HECW1: variants seen among roughly 807,000 people sequenced by gnomAD.
HECW1 encodes HECT, C2 and WW domain containing E3 ubiquitin protein ligase 1, also known as E3 ubiquitin-protein ligase HECW1.
HECW1 carries 61 observed loss-of-function variants against 182.3 expected under a neutral mutation model. That is an observed-to-expected ratio of 0.33 (90% CI 0.27 to 0.41). HECW1 has a LOEUF of 0.41. Among genes scored for constraint, HECW1 ranks in the 10% least tolerant of loss-of-function variants. The probability of loss-of-function intolerance (pLI) is 1.00; values close to 1 mark genes in which losing one functional copy is unlikely to be tolerated. For synonymous variants in HECW1, 859 were observed against 832.6 expected (o/e 1.03, Z -0.55); for missense variants, 1,739 against 2,108.9 (o/e 0.82, Z 3.44).
intron 12 of HECW1, 112 bp downstream of exon 12, chr7:43,451,041 G>C: frequency 1.4e-6 from 1 of 739,976 alleles, no homozygotes; most frequent in South Asian, 1.6e-5. Flanking sequence ...GTGCCTTACA[G>C]TGTTAACAAA....
At chr7:43,472,571 A>G (rs2078064969) in intron 16 of HECW1, among the ~76,000 whole-genome samples, 2 of 151,894 alleles carry the variant, frequency 1.3e-5, no homozygotes, top group South Asian at 4.1e-4. Flanking sequence ...AGCAGGAATA[A>G]TTAAGTATTA....
chr7:43,179,278 T>C (rs1562637742), intron 2 of HECW1, among the ~76,000 whole-genome samples: 1 of 152,164 alleles, frequency 6.6e-6, no homozygotes, highest in East Asian at 1.9e-4. Flanking sequence ...GGCATCAAGG[T>C]GAAGCTGAAG....
intron 12 of HECW1, among the ~76,000 whole-genome samples, chr7:43,453,321 G>T (rs73098717): frequency 6.6e-6 from 1 of 152,046 alleles, no homozygotes; most frequent in African/African-American, 2.4e-5. Flanking sequence ...ATATTTTAAA[G>T]GTAGATTTGA....
intron 24 of HECW1, chr7:43,523,069 T>A: frequency 2.3e-6 from 1 of 438,894 alleles, no homozygotes; most frequent in Non-Finnish European, 4.5e-6. Flanking sequence ...AATGGTGCGA[T>A]CTTGGCTCAC....
intron 8 of HECW1, among the ~76,000 whole-genome samples, chr7:43,434,666 C>T (rs1285837157): frequency 6.6e-6 from 1 of 152,110 alleles, no homozygotes; most frequent in Non-Finnish European, 1.5e-5. Context: ...ACATGGACTC[C>T]AGTAACCATG....
At chr7:43,372,060 G>A (rs1487832372) in intron 6 of HECW1, among the ~76,000 whole-genome samples, 1 of 152,122 alleles carries the variant, frequency 6.6e-6, no homozygotes, top group Non-Finnish European at 1.5e-5. Context: ...GACCTCAGGA[G>A]ATCTGCCCGT....
chr7:43,375,858 A>G (rs190691624), intron 6 of HECW1, among the ~76,000 whole-genome samples: 54 of 141,672 alleles, frequency 3.8e-4, no homozygotes, highest in African/African-American at 1.4e-3. Context: ...AAACCATTGT[A>G]CTCCAGCCTG....
chr7:43,305,812 G>A (rs1038287673), intron 3 of HECW1, among the ~76,000 whole-genome samples: 3 of 151,644 alleles, frequency 2.0e-5, no homozygotes, highest in Admixed American at 1.3e-4. Context: ...CCAGGCTGGA[G>A]TTCAATGGCA....
At chr7:43,521,197 C>A (rs1390156080) in intron 24 of HECW1, among the ~76,000 whole-genome samples, 2 of 152,124 alleles carry the variant, frequency 1.3e-5, no homozygotes, top group Non-Finnish European at 2.9e-5. Context: ...GAGGTGGGGC[C>A]TTTAAGAAGT....
intron 2 of HECW1, among the ~76,000 whole-genome samples, chr7:43,237,051 T>C (rs1584109165): frequency 7.7e-6 from 1 of 129,310 alleles, no homozygotes; most frequent in Non-Finnish European, 1.6e-5. Flanking sequence ...AAAGGTAAAG[T>C]GAAAACTAGG....
At chr7:43,388,324 G>A (rs1023935022) in intron 6 of HECW1, among the ~76,000 whole-genome samples, 1 of 152,188 alleles carries the variant, frequency 6.6e-6, no homozygotes, top group African/African-American at 2.4e-5. Flanking sequence ...CACATTTGTA[G>A]GTCAAATGTT....
At chr7:43,455,499 G>A (rs10270105) in intron 12 of HECW1, among the ~76,000 whole-genome samples, 30,571 of 152,042 alleles carry the variant, frequency 0.2, 3,200 homozygotes, top group Middle Eastern at 0.3. Flanking sequence ...GAACCTAATC[G>A]CCCTCTGTTA....
At chr7:43,420,660 T>A (rs2076151912) in intron 8 of HECW1, among the ~76,000 whole-genome samples, 1 of 152,208 alleles carries the variant, frequency 6.6e-6, no homozygotes, top group Admixed American at 6.5e-5. Context: ...ATAAATCATA[T>A]TTCTATATGC....
chr7:43,507,202 A>T lies in HECW1; in HGVS notation c.3697A>T (p.Asn1233Tyr). 1 of 1,614,088 alleles carries T rather than the reference A, an allele frequency of 6.2e-7. No individual in the cohort carries two copies. Residue 1233 changes from asparagine to tyrosine, a missense_variant, in exon 22 of 30, where the codon AAT (asparagine) becomes TAT (tyrosine). Physicochemically the swap from Asn to Tyr is moderately radical, Grantham distance 143. Coordinates refer to ENST00000395891, the MANE Select transcript of HECW1 (RefSeq NM_015052.5). Reference protein sequence around the residue: ...YRRDFEAKLRNFYRKLEAKGF... With the variant: ...YRRDFEAKLRYFYRKLEAKGF... ...AAGAGACTTTGAGGCCAAGCTCCGC[A>T]ATTTCTACAGAAAACTGGAAGCCAA... is the stretch of plus-strand genomic sequence containing the variant.
At chr7:43,145,537 A>G (rs1026508355) in intron 2 of HECW1, among the ~76,000 whole-genome samples, 5 of 152,110 alleles carry the variant, frequency 3.3e-5, no homozygotes, top group East Asian at 1.9e-4. Flanking sequence ...GGCTCAAGCA[A>G]TCCTCCCGCT....
At chr7:43,421,545 A>T (rs560126245) in intron 8 of HECW1, among the ~76,000 whole-genome samples, 1 of 152,342 alleles carries the variant, frequency 6.6e-6, no homozygotes, top group Non-Finnish European at 1.5e-5. Flanking sequence ...GACAGCTAAT[A>T]TCTAGACTAT....
At chr7:43,289,652 A>C (rs1049807526) in intron 3 of HECW1, among the ~76,000 whole-genome samples, 1 of 152,238 alleles carries the variant, frequency 6.6e-6, no homozygotes, top group Non-Finnish European at 1.5e-5. Flanking sequence ...TAACAGAAGA[A>C]CAGAACTCTG....
chr7:43,461,446 G>A (rs1028361615), intron 13 of HECW1, among the ~76,000 whole-genome samples: 6 of 152,210 alleles, frequency 3.9e-5, no homozygotes, highest in South Asian at 2.1e-4. Context: ...TAAAAATATC[G>A]TTGAACCATT....
At chr7:43,253,446 G>A (rs1424097840) in intron 3 of HECW1, among the ~76,000 whole-genome samples, 1 of 152,138 alleles carries the variant, frequency 6.6e-6, no homozygotes, top group Admixed American at 6.5e-5. Context: ...TCAAATACAA[G>A]CCTTACTTTA....
Sources: allele counts gnomAD v4.1 joint callset (sites outside exome capture counted in the v4.1 genomes callset), GRCh38; gene constraint gnomAD v4.1.1; transcripts MANE v1.5; gene names NCBI Gene and HGNC (gene_info 2026-07-23, HGNC 2026-07-21).